The following SMAP2 variants were observed in gnomAD, a reference collection of about 807,000 sequenced individuals.
SMAP2 encodes small ArfGAP2.
In SMAP2, 25 loss-of-function variants were observed where a neutral mutation model predicts 56.4. That is an observed-to-expected ratio of 0.44 (90% confidence interval 0.32 to 0.62). SMAP2 has a LOEUF of 0.62. SMAP2 is among the 20% of genes least tolerant of loss of function. The pLI is 0.04. For missense variants in SMAP2, 388 were observed against 545.6 expected (o/e 0.71, Z 2.88); for synonymous variants, 157 against 181.7 (o/e 0.86, Z 1.09).
chr1:40,357,982 T>A (rs1048100974), intron 1 of SMAP2, among the ~76,000 whole-genome samples: 1 of 152,134 alleles, frequency 6.6e-6, no homozygotes, highest in African/African-American at 2.4e-5. Flanking sequence ...GGTTTTTTTT[T>A]TAATAGGGAT....
rs558512123 is a variant in SMAP2 at position 40,408,603 on chromosome 1, G to T, written c.238-50G>T. 3 of 1,533,450 alleles carry T rather than the reference G, an allele frequency of 2.0e-6. No homozygotes were observed. Among genetic ancestry groups the T allele is most frequent in the Non-Finnish European group, 1.8e-6 (2 of 1,108,320 alleles). The allele number at this position is 1,533,450 out of a possible 1,614,324, so 95.0% of individuals were successfully genotyped here. A position where few individuals can be genotyped will look rare whatever the true frequency, so the allele number is the denominator to read the frequency against. Reference sequence around the variant, plus strand: ...GTGGAATTGGGTGAGAAGTTTTTCAGTTCTTTCTTGATCTGACGTTCCATG... The same window carrying T: ...GTGGAATTGGGTGAGAAGTTTTTCATTTCTTTCTTGATCTGACGTTCCATG... On this transcript the variant is annotated intron_variant, in intron 2 of 9. Transcript: ENST00000372718. The surrounding 1 kb of genome is among the most constrained non-coding windows in gnomAD (Gnocchi z 4.3).
intron 2 of SMAP2, among the ~76,000 whole-genome samples, chr1:40,407,213 G>A (rs527499544): frequency 2.6e-5 from 4 of 152,284 alleles, no homozygotes; most frequent in South Asian, 2.1e-4. Context: ...GGTCGGGCAC[G>A]GTGGCTCATG....
At position 40,416,119 on chromosome 1, in the gene SMAP2, T is replaced by C. The variant is rs531096136; in HGVS notation, c.682-57T>C. The C allele has an allele frequency of 1.3e-5, 21 of 1,557,098 alleles. No homozygotes were observed. The South Asian group carries it at 2.0e-4, about 15-fold the overall frequency. On this transcript the variant is annotated intron_variant, in intron 7 of 9. Transcript: ENST00000372718. The stretch of plus-strand genomic sequence containing the variant: ...AGCAGCAGAGAGGGAAGGGAGACCC[T>C]TAAAGAGACCCCCATGAGAACCATT...
intron 1 of SMAP2, among the ~76,000 whole-genome samples, chr1:40,397,957 A>G (rs1644788409): frequency 6.6e-6 from 1 of 152,190 alleles, no homozygotes; most frequent in African/African-American, 2.4e-5. Context: ...CAGCATGTGT[A>G]AAGTACAAGG....
In SMAP2 at chr1:40,374,532, A is replaced by C; in HGVS notation, c.103+309A>C. The C allele has an allele frequency of 1.1e-6, 1 of 931,650 alleles. No individual in the cohort carries two copies. The highest frequency in any genetic ancestry group is 1.7e-6 in the Non-Finnish European group (1 of 597,076). The allele number at this position is 931,650 out of a possible 1,614,324, so 57.7% of individuals were successfully genotyped here. On this transcript the variant is annotated intron_variant, in intron 1 of 9. Coordinates refer to ENST00000372718, the MANE Select transcript of SMAP2 (RefSeq NM_022733.3). The surrounding 1 kb of genome is among the most constrained non-coding windows in gnomAD (Gnocchi z 5.9). ...AATGAGTTCTGGGCCGGCTGTCCAG[A>C]GAGAGCTCCCAGCATGTCACTTGCA...
At chr1:40,378,209 C>T (rs1236927083) in intron 1 of SMAP2, among the ~76,000 whole-genome samples, 1 of 152,190 alleles carries the variant, frequency 6.6e-6, no homozygotes, top group Non-Finnish European at 1.5e-5. Flanking sequence ...ACTGTAGCCT[C>T]AGACTCCTGG....
At chr1:40,370,887 A>G (rs1281682705), upstream of SMAP2, among the ~76,000 whole-genome samples, 1 of 151,842 alleles carries the variant, frequency 6.6e-6, no homozygotes, top group Non-Finnish European at 1.5e-5. Flanking sequence ...AGAAAATTCT[A>G]TAACTGGCCA....
intron 1 of SMAP2, among the ~76,000 whole-genome samples, chr1:40,402,950 T>C (rs1644850015): frequency 6.6e-6 from 1 of 152,138 alleles, no homozygotes; most frequent in Non-Finnish European, 1.5e-5. Flanking sequence ...TTGACAGCCT[T>C]GGGCCTTCTT....
rs751728612 is a variant in SMAP2, at chr1:40,374,173, A to G, written c.53A>G (p.Asn18Ser). The G allele has an allele frequency of 6.2e-7, 1 of 1,613,710 alleles. No individual in the cohort carries two copies. Among genetic ancestry groups the G allele is most frequent in the Admixed American group, 1.7e-5 (1 of 59,960 alleles). Residue 18 changes from asparagine to serine, a missense_variant, in exon 1 of 10, where the codon AAC becomes AGC. Transcript: ENST00000372718. This position sits in a 1 kb window ranked among gnomAD's most constrained non-coding sequence, Gnocchi z 5.9. ...GATCGGTACCAGGCTGTCCTGGCCA[A>G]CCTGCTGCTGGAGGAGGATAACAAG... Reference protein sequence around the residue: ...DVDRYQAVLANLLLEEDNKFC... With the variant: ...DVDRYQAVLASLLLEEDNKFC...
chr1:40,361,267 G>A (rs746693455), intron 1 of SMAP2, among the ~76,000 whole-genome samples: 87 of 152,190 alleles, frequency 5.7e-4, no homozygotes, highest in Non-Finnish European at 9.7e-4. Flanking sequence ...TGCCTTGAAG[G>A]GAAGAACCCA....
chr1:40,378,951 A>G (rs748656261), intron 1 of SMAP2, among the ~76,000 whole-genome samples: 3 of 151,280 alleles, frequency 2.0e-5, no homozygotes, highest in Non-Finnish European at 4.4e-5. Context: ...TGGAAGTAAC[A>G]ATTGTTGGCA....
At chr1:40,419,247 A>G (rs1645018802) in intron 9 of SMAP2, among the ~76,000 whole-genome samples, 1 of 151,292 alleles carries the variant, frequency 6.6e-6, no homozygotes, top group Non-Finnish European at 1.5e-5. Flanking sequence ...AACACGTGAA[A>G]TGTTCTGAAT....
intron 1 of SMAP2, among the ~76,000 whole-genome samples, chr1:40,379,551 C>T (rs1182255459): frequency 7.3e-6 from 1 of 136,156 alleles, no homozygotes; most frequent in African/African-American, 2.7e-5. Flanking sequence ...ACACTGTTGT[C>T]TCTCTTTTTT....
At position 40,354,653 on chromosome 1, in the gene SMAP2, G is replaced by A. The variant is rs111266623; in HGVS notation, c.-82-7647G>A. On this transcript the variant is annotated intron_variant, in intron 1 of 6. Coordinates refer to the SMAP2 transcript ENST00000435168. Reference sequence around the variant, plus strand: ...TGCCCAGCCAAGTTTTTTAATATAAGGTTAGTTAATTTTTTTTAAATGAGA... The same window carrying A: ...TGCCCAGCCAAGTTTTTTAATATAAAGTTAGTTAATTTTTTTTAAATGAGA... Among the ~76,000 whole-genome samples, 348 of 151,628 alleles carry A rather than the reference G, an allele frequency of 2.3e-3. 5 individuals are homozygous for A. The highest frequency in any genetic ancestry group is 3.4e-3 in the Non-Finnish European group (230 of 67,936).
intron 1 of SMAP2, chr1:40,393,208 C>CAGT: frequency 3.0e-5 from 30 of 998,434 alleles, no homozygotes; most frequent in Middle Eastern, 3.2e-4. Context: ...TGCCTGTAGT[C>CAGT]CCAGCTACTC....
intron 1 of SMAP2, among the ~76,000 whole-genome samples, chr1:40,353,697 A>C (rs1414746398): frequency 1.3e-5 from 2 of 152,044 alleles, no homozygotes; most frequent in Non-Finnish European, 2.9e-5. Flanking sequence ...GCTGAGCCCT[A>C]TCCTCAGAAG....
At chr1:40,347,369 G>A (rs971974438) in intron 1 of SMAP2, among the ~76,000 whole-genome samples, 23 of 151,918 alleles carry the variant, frequency 1.5e-4, no homozygotes, top group African/African-American at 5.6e-4. Context: ...GGGATTACAG[G>A]CATGGCTCCT....
intron 1 of SMAP2, chr1:40,375,925 A>C: frequency 4.6e-6 from 1 of 216,438 alleles, no homozygotes; most frequent in Non-Finnish European, 7.9e-6. Context: ...TCTTCCTCCA[A>C]ATTTCCATTG....
intron 1 of SMAP2, among the ~76,000 whole-genome samples, chr1:40,380,440 C>A (rs1011488705): frequency 1.3e-5 from 2 of 151,884 alleles, no homozygotes; most frequent in South Asian, 2.1e-4. Context: ...CATTTGTTTT[C>A]TGTTGATAGC....
Sources: allele counts gnomAD v4.1 joint callset (sites outside exome capture counted in the v4.1 genomes callset), GRCh38; gene constraint gnomAD v4.1.1; non-coding constraint Gnocchi (gnomAD v3.1); transcripts MANE v1.5; gene names NCBI Gene and HGNC (gene_info 2026-07-23, HGNC 2026-07-21).